Variants in TFG observed in about 807,000 individuals in gnomAD.
TFG encodes trafficking from ER to golgi regulator.
Under a neutral mutation model 51.4 loss-of-function variants are expected in TFG, and 22 were observed. The ratio of observed to expected loss-of-function variants is 0.43; its 90% CI spans 0.31 to 0.61. TFG has a LOEUF of 0.61. TFG is among the 20% of genes least tolerant of loss of function. The probability of loss-of-function intolerance (pLI) is 0.12; values close to 1 mark genes in which losing one functional copy is unlikely to be tolerated. For synonymous variants in TFG, 187 were observed against 165.6 expected (o/e 1.13, Z -0.99); for missense variants, 419 against 487.7 (o/e 0.86, Z 1.33).
At chr3:100,737,015 A>AT (rs779603038) in intron 6 of TFG, among the ~76,000 whole-genome samples, 53 of 152,292 alleles carry the variant, frequency 3.5e-4, no homozygotes, top group Middle Eastern at 3.4e-3. Flanking sequence ...CAGACTGGTG[A>AT]TTTCACACTT....
intron 1 of TFG, 158 bp downstream of exon 1, chr3:100,709,879 T>A (rs988699914): frequency 2.1e-5 from 1 of 47,024 alleles, no homozygotes; most frequent in South Asian, 1.1e-3. Context: ...GAGGAGGGGG[T>A]GGGAGGGAGG....
chr3:100,742,532 T>A lies in TFG; in HGVS notation c.722-2301T>A, dbSNP rs558464028. 17 of 152,312 alleles carry A rather than the reference T, an allele frequency of 1.1e-4. No homozygotes were observed. The East Asian group carries it at 3.3e-3, about 29-fold the overall frequency. 9.4% of individuals were successfully genotyped at this position (152,312 alleles called of 1,614,324 possible). A position where few individuals can be genotyped will look rare whatever the true frequency, so the allele number is the denominator to read the frequency against. On this transcript the variant is annotated intron_variant, in intron 6 of 7. Coordinates refer to ENST00000240851, the MANE Select transcript of TFG (RefSeq NM_006070.6). ...GGGACCAACCCTGACAGGTTGCTAT[T>A]CCATTGCAGGGTGCATTGCAACCAC...
At chr3:100,731,482 A>G (rs2095091452) in intron 4 of TFG, among the ~76,000 whole-genome samples, 4 of 152,262 alleles carry the variant, frequency 2.6e-5, no homozygotes, top group African/African-American at 9.6e-5. Flanking sequence ...TTATTATAGA[A>G]AAGTTTAAGT....
At chr3:100,728,023 G>T (rs912660365) in intron 3 of TFG, among the ~76,000 whole-genome samples, 11 of 152,048 alleles carry the variant, frequency 7.2e-5, no homozygotes, top group African/African-American at 2.4e-4. Context: ...TTGTAGAGAT[G>T]AAGTCTCACT....
chr3:100,734,053 GT>G (rs894163811), intron 5 of TFG, among the ~76,000 whole-genome samples: 9 of 144,230 alleles, frequency 6.2e-5, no homozygotes, highest in African/African-American at 7.6e-5. Flanking sequence ...AGTCACAGAA[GT>G]TTTTTTTTTT....
At chr3:100,717,416 G>C (rs1183437367) in intron 2 of TFG, among the ~76,000 whole-genome samples, 1 of 152,018 alleles carries the variant, frequency 6.6e-6, no homozygotes, top group African/African-American at 2.4e-5. Flanking sequence ...CAAATTTTAT[G>C]GTTTGTTTTT....
intron 7 of TFG, among the ~76,000 whole-genome samples, chr3:100,745,403 T>C (rs1368453857): frequency 6.6e-6 from 1 of 152,192 alleles, no homozygotes; most frequent in Non-Finnish European, 1.5e-5. Context: ...CTTGCAAGTA[T>C]GTAGGAATAC....
chr3:100,745,237 G>A (rs1160671498), intron 7 of TFG, among the ~76,000 whole-genome samples: 1 of 152,072 alleles, frequency 6.6e-6, no homozygotes, highest in Non-Finnish European at 1.5e-5. Flanking sequence ...GCGACTTAGT[G>A]CAAGTTTTCC....
chr3:100,729,844 T>A (rs2149079624), intron 4 of TFG, among the ~76,000 whole-genome samples: 1 of 152,274 alleles, frequency 6.6e-6, no homozygotes. Flanking sequence ...TCTCTCTTCC[T>A]GTCTTCTAAT....
chr3:100,713,890 AT>A, intron 2 of TFG, 21 bp downstream of exon 2: 3 of 1,320,130 alleles, frequency 2.3e-6, no homozygotes, highest in South Asian at 1.8e-5. Context: ...TTTTAAAGCT[AT>A]TTTTTAAAGT....
rs13317522 is a variant in TFG, at chr3:100,728,474, C to G, written c.269-238C>G. On this transcript the variant is annotated intron_variant, in intron 3 of 7. Transcript: ENST00000240851. ...CGGATTTTCCTACCAAACCTTTTTA[C>G]CAGTAAGGTCATAGGCTATAGGTAT... Among the ~76,000 whole-genome samples, 4,512 of 151,630 alleles carry G rather than the reference C, an allele frequency of 0.03. 182 individuals carry two copies. Among genetic ancestry groups the G allele is most frequent in the African/African-American group, 0.092 (3,809 of 41,372 alleles).
At chr3:100,746,274 T>TG (rs750970124) in intron 7 of TFG, among the ~76,000 whole-genome samples, 8 of 152,296 alleles carry the variant, frequency 5.3e-5, no homozygotes, top group African/African-American at 1.9e-4. Context: ...AGGCTATGTG[T>TG]GGGGCCCCAT....
chr3:100,738,404 A>G (rs546072382), intron 6 of TFG, among the ~76,000 whole-genome samples: 44 of 152,356 alleles, frequency 2.9e-4, no homozygotes, highest in Non-Finnish European at 5.3e-4. Context: ...CTGTGATACA[A>G]TGACAGTTGG....
intron 2 of TFG, among the ~76,000 whole-genome samples, chr3:100,717,668 G>T (rs2095050046): frequency 6.6e-6 from 1 of 150,590 alleles, no homozygotes. Flanking sequence ...GTGGTTAATG[G>T]GATTGCATTT....
At chr3:100,739,091 C>G (rs2095114527) in intron 6 of TFG, among the ~76,000 whole-genome samples, 1 of 152,052 alleles carries the variant, frequency 6.6e-6, no homozygotes, top group South Asian at 2.1e-4. Flanking sequence ...TTTATAGATT[C>G]CCAGCATGAA....
rs370438736 is a variant in TFG at position 100,744,977 on chromosome 3, A to G, written c.820+46A>G. 57 of 1,252,446 alleles carry G rather than the reference A, an allele frequency of 4.6e-5. No individual in the cohort carries two copies. In the African/African-American group the frequency reaches 6.1e-4, roughly 13 times the overall value. 77.6% of individuals were successfully genotyped at this position (1,252,446 alleles called of 1,614,324 possible). On this transcript the variant is annotated intron_variant, in intron 7 of 7. Coordinates refer to ENST00000240851, the MANE Select transcript of TFG (RefSeq NM_006070.6). Reference sequence around the variant, plus strand: ...AGTTGGCTCATGGTTTTTTGTTTCTATACTCATTAAACTTTAAGTTCTTAA... The same window carrying G: ...AGTTGGCTCATGGTTTTTTGTTTCTGTACTCATTAAACTTTAAGTTCTTAA...
intron 5 of TFG, among the ~76,000 whole-genome samples, chr3:100,735,949 T>A (rs953146867): frequency 2.2e-4 from 34 of 152,166 alleles, no homozygotes; most frequent in African/African-American, 8.0e-4. Flanking sequence ...AGTTCACTAG[T>A]AGAAAAAGTA....
rs1232939836 is a variant in TFG at position 100,713,865 on chromosome 3, TGAAGGTAA to T, written c.183_184+6del. On this transcript the variant is annotated splice_donor_variant and splice_donor_region_variant and coding_sequence_variant and intron_variant, in exon 2 of 8. Coordinates refer to ENST00000240851, the MANE Select transcript of TFG (RefSeq NM_006070.6). LOFTEE classifies it high-confidence loss of function. ...ATGAAGTAACAATAAAGTATAAAGATGAAGGTAAGAGTGTTTTTAAAGCTATTTTTTAA... is the reference window on the plus strand; with the variant it reads ...ATGAAGTAACAATAAAGTATAAAGATGAGTGTTTTTAAAGCTATTTTTTAA... The T allele has an allele frequency of 6.7e-7, 1 of 1,491,964 alleles. No homozygotes were observed. The highest frequency in any genetic ancestry group is 9.1e-7 in the Non-Finnish European group (1 of 1,102,330). The allele number at this position is 1,491,964 out of a possible 1,614,324, so 92.4% of individuals were successfully genotyped here.
chr3:100,747,651 G>A (rs1484126897), intron 7 of TFG, among the ~76,000 whole-genome samples: 1 of 152,042 alleles, frequency 6.6e-6, no homozygotes, highest in Non-Finnish European at 1.5e-5. Flanking sequence ...AATCTAAAAG[G>A]AATGATTTTA....
Sources: allele counts gnomAD v4.1 joint callset (sites outside exome capture counted in the v4.1 genomes callset), GRCh38; gene constraint gnomAD v4.1.1; transcripts MANE v1.5; gene names NCBI Gene and HGNC (gene_info 2026-07-23, HGNC 2026-07-21).